The following RANGAP1 variants were observed in gnomAD, a reference collection of about 807,000 sequenced individuals.
RANGAP1 encodes ran GTPase-activating protein 1.
Under a neutral mutation model 63.5 loss-of-function variants are expected in RANGAP1, and 38 were observed. The ratio of observed to expected loss-of-function variants is 0.60; its 90% CI spans 0.46 to 0.78. The LOEUF is 0.78. Among genes scored for constraint, RANGAP1 ranks in the 30% least tolerant of loss-of-function variants. The pLI is 0.00. For synonymous variants in RANGAP1, 329 were observed against 310.5 expected (o/e 1.06, Z -0.63); for missense variants, 630 against 740.3 (o/e 0.85, Z 1.73).
upstream of RANGAP1, among the ~76,000 whole-genome samples, chr22:41,287,458 G>C (rs1173153173): frequency 1.3e-5 from 2 of 150,774 alleles, no homozygotes; most frequent in African/African-American, 4.9e-5. Flanking sequence ...ATAGGCGAGA[G>C]AGTGTGAGAC....
chr22:41,274,879 G>A lies in RANGAP1; in HGVS notation c.113-152C>T, dbSNP rs140045861. ...TTACAGAGAATCAGACAGGCTCATG[G>A]TCCAGAGTACAGAGCTATGCAGATG... On this transcript the variant is annotated intron_variant, in intron 2 of 15. Coordinates refer to ENST00000356244, the MANE Select transcript of RANGAP1 (RefSeq NM_002883.4). 356 of 991,258 alleles carry A rather than the reference G, an allele frequency of 3.6e-4. 1 individual carries two copies. In the East Asian group the frequency reaches 8.5e-3, roughly 24 times the overall value. 61.4% of individuals were successfully genotyped at this position (991,258 alleles called of 1,614,324 possible). A position where few individuals can be genotyped will look rare whatever the true frequency, so the allele number is the denominator to read the frequency against.
chr22:41,281,062 G>T lies in RANGAP1; in HGVS notation c.-18C>A. The T allele has an allele frequency of 6.3e-7, 1 of 1,576,142 alleles. No homozygotes were observed. On this transcript the variant is annotated 5_prime_UTR_variant, in exon 2 of 16. Coordinates refer to ENST00000356244, the MANE Select transcript of RANGAP1 (RefSeq NM_002883.4). ...GAGGCCATGTTGACTAGGCTGGTGG[G>T]CTCCCCTGGAGATCTGCAGACTGAG...
the RANGAP1 span, among the ~76,000 whole-genome samples, chr22:41,293,937 A>G: frequency 6.6e-6 from 1 of 151,636 alleles, no homozygotes; most frequent in African/African-American, 2.4e-5. Context: ...TGCCGGGATT[A>G]TAGGCATGAG....
In RANGAP1 at chr22:41,273,085, C is replaced by T. The variant is rs112719273; in HGVS notation, c.240+1515G>A. On this transcript the variant is annotated intron_variant, in intron 3 of 15. Transcript: ENST00000356244. ...TGCTGGGATTATAGCTGTGAGCCATCGTGCCCGACTGATCGTGGCTATTTA... is the reference window on the plus strand; with the variant it reads ...TGCTGGGATTATAGCTGTGAGCCATTGTGCCCGACTGATCGTGGCTATTTA... Among the ~76,000 whole-genome samples the T allele has an allele frequency of 1.2e-3, 177 of 152,212 alleles. 2 individuals carry two copies. The highest frequency in any genetic ancestry group is 3.9e-3 in the African/African-American group (163 of 41,518).
In RANGAP1 at chr22:41,255,816, T is replaced by A. The variant is rs147937173; in HGVS notation, c.1073+205A>T. Among the ~76,000 whole-genome samples, 16 of 151,762 alleles carry A rather than the reference T, an allele frequency of 1.1e-4. No individual in the cohort carries two copies. The East Asian group carries it at 3.1e-3, about 30-fold the overall frequency. On this transcript the variant is annotated intron_variant, in intron 10 of 15. Transcript: ENST00000356244. ...TAGAAACAAATAAAGGGGCCAGGTG[T>A]GGTGGTGGGTGCCTGTAATCCCAGC...
chr22:41,299,068 A>T, the RANGAP1 span, among the ~76,000 whole-genome samples: 96 of 152,010 alleles, frequency 6.3e-4, 1 homozygote, highest in East Asian at 0.017. Context: ...CATTTTCATG[A>T]CCTAATTATC....
At chr22:41,271,561 G>C (rs2034830529) in intron 3 of RANGAP1, among the ~76,000 whole-genome samples, 1 of 152,108 alleles carries the variant, frequency 6.6e-6, no homozygotes. Flanking sequence ...CGGCATGGTG[G>C]CAGGCACCCG....
At chr22:41,294,965 C>CT in the RANGAP1 span, among the ~76,000 whole-genome samples, 2 of 128,198 alleles carry the variant, frequency 1.6e-5, no homozygotes, top group South Asian at 5.7e-4. Flanking sequence ...GCCGCCCCAT[C>CT]TGGGAGGGAG....
At position 41,251,092 on chromosome 22, in the gene RANGAP1, G is replaced by T. The variant is rs774244432; in HGVS notation, c.1398C>A (p.Pro466=). Residue 466 remains proline, a synonymous_variant, in exon 13 of 16, where the codon CCC becomes CCA. Coordinates refer to ENST00000356244, the MANE Select transcript of RANGAP1 (RefSeq NM_002883.4). ...LIAQQTDTSD[P]EKVVSAFLKV... ...TTAGGAAGGCAGAGACCACCTTCTC[G>T]GGGTCAGACGTGTCAGTCTGAGGAC... is the stretch of plus-strand genomic sequence containing the variant. 2 of 1,613,976 alleles carry T rather than the reference G, an allele frequency of 1.2e-6. No individual in the cohort carries two copies. The highest frequency in any genetic ancestry group is 1.7e-6 in the Non-Finnish European group (2 of 1,179,968).
At chr22:41,301,581 A>G in the RANGAP1 span, 1 of 152,186 alleles carries the variant, frequency 6.6e-6, no homozygotes, top group African/African-American at 2.4e-5. Flanking sequence ...GCTGGAAATG[A>G]AAGTAAAGCG....
intron 4 of RANGAP1, among the ~76,000 whole-genome samples, chr22:41,265,629 G>A (rs1293191455): frequency 6.6e-6 from 1 of 152,232 alleles, no homozygotes; most frequent in Non-Finnish European, 1.5e-5. Flanking sequence ...GCCAGGATCA[G>A]CTTTGACAGG....
At chr22:41,293,254 A>G in the RANGAP1 span, among the ~76,000 whole-genome samples, 1 of 150,128 alleles carries the variant, frequency 6.7e-6, no homozygotes, top group Non-Finnish European at 1.5e-5. Context: ...AAAAAAAATT[A>G]TACAAAAAGT....
In RANGAP1 at chr22:41,246,777, G is replaced by T. The variant is rs564897278; in HGVS notation, c.1695-105C>A. On this transcript the variant is annotated intron_variant, in intron 15 of 15. Transcript: ENST00000356244. ...ACTCATTTTTGTTAATTTGCACAAC[G>T]ACTCAGCAAGAGAGACATTAGCCCT... 13 of 1,072,850 alleles carry T rather than the reference G, an allele frequency of 1.2e-5. No individual in the cohort carries two copies. The East Asian group carries it at 3.4e-4, about 28-fold the overall frequency. The allele number at this position is 1,072,850 out of a possible 1,614,324, so 66.5% of individuals were successfully genotyped here.
At chr22:41,285,792 C>T in intron 1 of RANGAP1, 194 bp downstream of exon 1, 1 of 819,522 alleles carries the variant, frequency 1.2e-6, no homozygotes, top group Non-Finnish European at 1.5e-6. Flanking sequence ...GCCTCAGTTT[C>T]CCCATTTGTG....
chr22:41,278,844 T>C (rs2035310570), intron 2 of RANGAP1, among the ~76,000 whole-genome samples: 1 of 151,554 alleles, frequency 6.6e-6, no homozygotes, highest in Non-Finnish European at 1.5e-5. Flanking sequence ...CTACTAAAAA[T>C]ACAAAAATAA....
In RANGAP1 at chr22:41,280,883, A is replaced by G. The variant is rs371196460; in HGVS notation, c.112+50T>C. On this transcript the variant is annotated intron_variant, in intron 2 of 15. Transcript: ENST00000356244. ...CTGACAACCAGTAAGAGTTCAGTAC[A>G]CTCCCTCTCCTCCCCTGGACACACC... is the stretch of plus-strand genomic sequence containing the variant. 58 of 1,610,402 alleles carry G rather than the reference A, an allele frequency of 3.6e-5. No individual in the cohort carries two copies. The African/African-American group carries it at 7.2e-4, about 20-fold the overall frequency.
the RANGAP1 span, among the ~76,000 whole-genome samples, chr22:41,299,217 C>T: frequency 6.6e-6 from 1 of 151,898 alleles, no homozygotes. Context: ...ACTGTAACCT[C>T]TACTTCCCAG....
the RANGAP1 span, chr22:41,301,401 T>G: frequency 6.6e-6 from 1 of 152,168 alleles, no homozygotes; most frequent in Non-Finnish European, 1.5e-5. Flanking sequence ...GGAATGGGGC[T>G]TCCCCGACTC....
intron 4 of RANGAP1, among the ~76,000 whole-genome samples, chr22:41,265,058 G>A (rs1048349626): frequency 2.6e-5 from 4 of 152,214 alleles, no homozygotes; most frequent in African/African-American, 4.8e-5. Flanking sequence ...GGAGTGGCCC[G>A]GGAAGGCTCC....
Sources: allele counts gnomAD v4.1 joint callset (sites outside exome capture counted in the v4.1 genomes callset), GRCh38; gene constraint gnomAD v4.1.1; transcripts MANE v1.5; gene names NCBI Gene and HGNC (gene_info 2026-07-23, HGNC 2026-07-21).